TBC1D19: variants seen among roughly 807,000 people sequenced by gnomAD.
TBC1D19 encodes the protein TBC1 domain family member 19, also known as TBC1 domain family, member 19.
In TBC1D19, 60 loss-of-function variants were observed where a neutral mutation model predicts 89.0. The ratio of observed to expected loss-of-function variants is 0.67; its 90% CI spans 0.55 to 0.84. The LOEUF (loss-of-function observed/expected upper bound fraction) is 0.84. Among genes scored for constraint, TBC1D19 ranks in the 40% least tolerant of loss-of-function variants. The pLI is 0.00. For synonymous variants in TBC1D19, 189 were observed against 199.7 expected (o/e 0.95, Z 0.45); for missense variants, 500 against 610.8 (o/e 0.82, Z 1.91).
chr4:26,672,277 A>C, intron 10 of TBC1D19, 90 bp downstream of exon 10: 3 of 1,082,588 alleles, frequency 2.8e-6, no homozygotes, highest in Non-Finnish European at 3.7e-6. Flanking sequence ...GGTGAAATTT[A>C]ATCTCTGAAA....
At chr4:26,851,307 A>ATCTATCTATCTATCTGTCTGTCTG in the TBC1D19 span, among the ~76,000 whole-genome samples, 883 of 45,450 alleles carry the variant, frequency 0.019, 3 homozygotes, top group Middle Eastern at 0.051. Context: ...TAAATACCCT[A>ATCTATCTATCTATCTGTCTGTCTG]TCTATCTATC....
chr4:26,806,201 C>G, the TBC1D19 span, among the ~76,000 whole-genome samples: 1 of 152,220 alleles, frequency 6.6e-6, no homozygotes, highest in African/African-American at 2.4e-5. Flanking sequence ...TCCAGCCTTC[C>G]TATAGTTGCT....
chr4:26,611,689 A>C (rs1741389849), intron 1 of TBC1D19, among the ~76,000 whole-genome samples: 1 of 152,136 alleles, frequency 6.6e-6, no homozygotes, highest in Non-Finnish European at 1.5e-5. Flanking sequence ...TTTAGTTATT[A>C]GCTAGAATTA....
chr4:26,827,539 G>A, the TBC1D19 span, among the ~76,000 whole-genome samples: 3 of 152,194 alleles, frequency 2.0e-5, no homozygotes, highest in Admixed American at 6.5e-5. Context: ...CGGAGGCAGA[G>A]GTTGCAGTGA....
intron 4 of TBC1D19, among the ~76,000 whole-genome samples, chr4:26,620,956 A>G (rs1439429812): frequency 6.6e-6 from 1 of 152,230 alleles, no homozygotes; most frequent in African/African-American, 2.4e-5. Context: ...AAAATATGGT[A>G]CAAGTGTAAT....
At position 26,584,085 on chromosome 4, in the gene TBC1D19, G is replaced by C; in HGVS notation, c.-109G>C. 1 of 1,087,184 alleles carries C rather than the reference G, an allele frequency of 9.2e-7. No individual in the cohort carries two copies. The highest frequency in any genetic ancestry group is 1.4e-6 in the Non-Finnish European group (1 of 738,542). 67.3% of individuals were successfully genotyped at this position (1,087,184 alleles called of 1,614,324 possible). ...GGTAACGCCCGCTGGAGGAGTCCCA[G>C]TGTAATAAGGTCCCGGAGAAGTGTC... On this transcript the variant is annotated 5_prime_UTR_variant, in exon 1 of 21. Transcript: ENST00000264866.
At chr4:26,844,011 C>G in the TBC1D19 span, among the ~76,000 whole-genome samples, 3 of 152,182 alleles carry the variant, frequency 2.0e-5, no homozygotes, top group African/African-American at 7.2e-5. Flanking sequence ...CAAACACCTC[C>G]TACCATGTCC....
chr4:26,811,536 T>A, the TBC1D19 span, among the ~76,000 whole-genome samples: 2 of 152,150 alleles, frequency 1.3e-5, no homozygotes, highest in African/African-American at 2.4e-5. Flanking sequence ...TCGGTCCCGA[T>A]CCAGACCCCT....
At chr4:26,703,795 T>C (rs1410271329) in intron 13 of TBC1D19, among the ~76,000 whole-genome samples, 1 of 145,176 alleles carries the variant, frequency 6.9e-6, no homozygotes, top group Non-Finnish European at 1.5e-5. Flanking sequence ...CTACTAAAAA[T>C]ACAAAAAAAA....
the TBC1D19 span, among the ~76,000 whole-genome samples, chr4:26,808,743 A>G: frequency 5.8e-5 from 8 of 138,980 alleles, no homozygotes; most frequent in African/African-American, 2.3e-4. Flanking sequence ...AAAAAAAAAA[A>G]AAAGAAAAAG....
intron 7 of TBC1D19, among the ~76,000 whole-genome samples, chr4:26,656,417 A>T (rs183338921): frequency 2.0e-5 from 3 of 152,124 alleles, no homozygotes; most frequent in Non-Finnish European, 2.9e-5. Context: ...TATTTTTCCA[A>T]TGTAAGCTGT....
downstream of TBC1D19, among the ~76,000 whole-genome samples, chr4:26,761,217 A>G (rs77598288): frequency 0.018 from 2,748 of 152,306 alleles, 58 homozygotes; most frequent in East Asian, 0.066. Context: ...GAACTTTTTA[A>G]TCTGCACCAA....
intron 1 of TBC1D19, among the ~76,000 whole-genome samples, chr4:26,611,471 A>G (rs887484181): frequency 2.6e-5 from 4 of 151,578 alleles, no homozygotes; most frequent in African/African-American, 9.8e-5. Flanking sequence ...TGTATGTCTT[A>G]TAAGTTGACA....
rs193271944 is a variant in TBC1D19, at chr4:26,694,671, G to T, written c.954+6264G>T. ...TAGGGGCAGACTGACACTTCACATG[G>T]CCAGGTACCCCTCTGAGATGAAGCT... On this transcript the variant is annotated intron_variant, in intron 13 of 20. Transcript: ENST00000264866. Among the ~76,000 whole-genome samples the T allele has an allele frequency of 2.2e-4, 33 of 152,284 alleles. No individual in the cohort carries two copies. The East Asian group carries it at 2.9e-3, about 13-fold the overall frequency.
At chr4:26,831,717 G>T in the TBC1D19 span, among the ~76,000 whole-genome samples, 4 of 151,648 alleles carry the variant, frequency 2.6e-5, no homozygotes, top group East Asian at 3.9e-4. Context: ...CAAGTAGCTG[G>T]GACTACAGGT....
intron 13 of TBC1D19, among the ~76,000 whole-genome samples, chr4:26,707,411 A>G (rs1044592582): frequency 6.6e-6 from 1 of 151,846 alleles, no homozygotes; most frequent in Non-Finnish European, 1.5e-5. Context: ...TTAACTTTTA[A>G]TATATTTATG....
intron 13 of TBC1D19, among the ~76,000 whole-genome samples, chr4:26,695,682 G>A (rs1276894760): frequency 6.6e-6 from 1 of 152,200 alleles, no homozygotes; most frequent in Non-Finnish European, 1.5e-5. Flanking sequence ...CTACAAGCCA[G>A]AAGGGAGTGG....
intron 1 of TBC1D19, among the ~76,000 whole-genome samples, chr4:26,612,747 A>G (rs1741457951): frequency 6.6e-6 from 1 of 152,140 alleles, no homozygotes; most frequent in South Asian, 2.1e-4. Flanking sequence ...AGCAATCCAA[A>G]GAGGAAGACA....
chr4:26,852,702 C>T, the TBC1D19 span, among the ~76,000 whole-genome samples: 1 of 152,184 alleles, frequency 6.6e-6, no homozygotes, highest in East Asian at 1.9e-4. Flanking sequence ...TCACTGCAAC[C>T]TCTGCCTCCC....
Sources: allele counts gnomAD v4.1 joint callset (sites outside exome capture counted in the v4.1 genomes callset), GRCh38; gene constraint gnomAD v4.1.1; transcripts MANE v1.5; gene names NCBI Gene and HGNC (gene_info 2026-07-23, HGNC 2026-07-21).